MDGA2: variants seen among roughly 807,000 people sequenced by gnomAD.
MDGA2 encodes the protein MAM domain-containing glycosylphosphatidylinositol anchor protein 2.
A neutral mutation model predicts 117.8 loss-of-function variants in MDGA2; 40 were observed. The observed-to-expected ratio is 0.34, with a 90% CI of 0.26 to 0.44. The LOEUF (loss-of-function observed/expected upper bound fraction) is 0.44, where lower values mean the gene tolerates loss of function less well. Ranked by LOEUF, MDGA2 falls within the 20% of genes least tolerant of loss-of-function variation. The pLI is 1.00. For missense variants in MDGA2, 1,123 were observed against 1,250.6 expected, an observed-to-expected ratio of 0.90 and a Z score of 1.54; for synonymous variants, 452 against 439.0, an observed-to-expected ratio of 1.03 and a Z score of -0.37.
In MDGA2 at chr14:46,884,485, A is replaced by C. The variant is rs1195803848; in HGVS notation, c.2239-2264T>G. Among the ~76,000 whole-genome samples, 1 of 152,150 alleles carries C rather than the reference A, an allele frequency of 6.6e-6. No individual in the cohort carries two copies. The highest frequency in any genetic ancestry group is 1.5e-5 in the Non-Finnish European group (1 of 68,016). ...ATATATGCACATACTATATGTTCAT[A>C]AGTATTTGTTTTCTGAAGGTTAAGT... On this transcript the variant is annotated intron_variant, in intron 10 of 16. Coordinates refer to ENST00000399232, the MANE Select transcript of MDGA2 (RefSeq NM_001113498.3). This position sits in a 1 kb window ranked among gnomAD's most constrained non-coding sequence, Gnocchi z 4.1.
intron 1 of MDGA2, among the ~76,000 whole-genome samples, chr14:47,623,134 G>A (rs750747526): frequency 6.6e-6 from 1 of 152,014 alleles, no homozygotes; most frequent in Non-Finnish European, 1.5e-5. Flanking sequence ...TGAAGGAGTG[G>A]GTTCCTGATA....
intron 2 of MDGA2, among the ~76,000 whole-genome samples, chr14:47,300,113 C>T (rs1177780900): frequency 6.6e-6 from 1 of 152,000 alleles, no homozygotes; most frequent in Non-Finnish European, 1.5e-5. Flanking sequence ...CTTAAGGATC[C>T]GTCAGTAAGA....
intron 1 of MDGA2, among the ~76,000 whole-genome samples, chr14:47,634,545 G>A (rs999462038): frequency 3.9e-5 from 6 of 151,950 alleles, no homozygotes; most frequent in African/African-American, 9.7e-5. Flanking sequence ...AAGAAAAATC[G>A]CTTGTAAATC....
intron 6 of MDGA2, among the ~76,000 whole-genome samples, chr14:47,088,677 T>C (rs772813003): frequency 6.6e-6 from 1 of 152,196 alleles, no homozygotes; most frequent in African/African-American, 2.4e-5. Context: ...TAGCTTAAGA[T>C]ATATACCTTT....
chr14:47,494,711 G>C (rs1308492746), intron 1 of MDGA2, among the ~76,000 whole-genome samples: 1 of 151,840 alleles, frequency 6.6e-6, no homozygotes, highest in Non-Finnish European at 1.5e-5. Context: ...TATGGTGAGA[G>C]AGAGGGGTCC....
chr14:47,398,114 C>G (rs1211713297), intron 1 of MDGA2, among the ~76,000 whole-genome samples: 1 of 152,066 alleles, frequency 6.6e-6, no homozygotes, highest in African/African-American at 2.4e-5. Flanking sequence ...GGTGTCTGGT[C>G]CAGGTATCAA....
At chr14:47,352,308 C>T (rs1388174009) in intron 1 of MDGA2, among the ~76,000 whole-genome samples, 5 of 152,128 alleles carry the variant, frequency 3.3e-5, no homozygotes, top group Non-Finnish European at 4.4e-5. Context: ...CCCTGCTGAT[C>T]GTGTCTGGTT....
intron 1 of MDGA2, among the ~76,000 whole-genome samples, chr14:47,600,368 A>G (rs1896625452): frequency 6.6e-6 from 1 of 152,046 alleles, no homozygotes; most frequent in Non-Finnish European, 1.5e-5. Context: ...CGGGAGACAG[A>G]GTTTGCAGTC....
chr14:47,426,696 A>ATT (rs1244269146), intron 1 of MDGA2, among the ~76,000 whole-genome samples: 10 of 121,580 alleles, frequency 8.2e-5, no homozygotes, highest in Admixed American at 1.8e-4. Flanking sequence ...TATATATATC[A>ATT]TTTATATATA....
At chr14:47,622,804 G>A (rs549156047) in intron 1 of MDGA2, among the ~76,000 whole-genome samples, 1 of 152,288 alleles carries the variant, frequency 6.6e-6, no homozygotes, top group South Asian at 2.1e-4. Flanking sequence ...ATTGGTCATA[G>A]TCATGGGGAA....
intron 1 of MDGA2, among the ~76,000 whole-genome samples, chr14:47,332,395 A>G (rs1265821918): frequency 1.2e-4 from 18 of 152,006 alleles, no homozygotes; most frequent in Non-Finnish European, 2.9e-5. Flanking sequence ...AAACAACATT[A>G]AAACAATGGC....
chr14:47,491,803 A>G (rs201437193), intron 1 of MDGA2, among the ~76,000 whole-genome samples: 1 of 7,856 alleles, frequency 1.3e-4, no homozygotes, highest in Non-Finnish European at 2.2e-4. Flanking sequence ...AATCTGATTG[A>G]AAAAAAAAAG....
intron 6 of MDGA2, among the ~76,000 whole-genome samples, chr14:47,077,529 A>G (rs1282061208): frequency 6.6e-6 from 1 of 151,998 alleles, no homozygotes; most frequent in African/African-American, 2.4e-5. Flanking sequence ...TGCATTTTCT[A>G]CATAATGGGA....
chr14:47,417,848 G>C (rs895602720), intron 1 of MDGA2, among the ~76,000 whole-genome samples: 6 of 151,960 alleles, frequency 3.9e-5, no homozygotes, highest in Admixed American at 3.9e-4. Flanking sequence ...TGAGTAGCTG[G>C]GACTACAGGT....
intron 1 of MDGA2, among the ~76,000 whole-genome samples, chr14:47,508,352 A>ACCCT (rs149881110): frequency 7.5e-6 from 1 of 132,762 alleles, no homozygotes; most frequent in Non-Finnish European, 1.6e-5. Flanking sequence ...TTGCTGATTG[A>ACCCT]CTCTCTCTCT....
At chr14:47,384,878 C>CA (rs1891722693) in intron 1 of MDGA2, among the ~76,000 whole-genome samples, 1 of 152,270 alleles carries the variant, frequency 6.6e-6, no homozygotes, top group African/African-American at 2.4e-5. Flanking sequence ...CCAGAGAATA[C>CA]AAAGATAGCT....
chr14:47,152,143 A>G (rs1471752598), intron 3 of MDGA2, among the ~76,000 whole-genome samples: 1 of 152,086 alleles, frequency 6.6e-6, no homozygotes, highest in African/African-American at 2.4e-5. Flanking sequence ...CTCTAGAAAT[A>G]ACTGTCTCCC....
At chr14:47,241,615 GC>G (rs1353147011) in intron 2 of MDGA2, among the ~76,000 whole-genome samples, 1 of 151,702 alleles carries the variant, frequency 6.6e-6, no homozygotes, top group African/African-American at 2.4e-5. Context: ...ATTATTTGTG[GC>G]CCAAATTATT....
At position 47,061,436 on chromosome 14, in the gene MDGA2, A is replaced by G. The variant is rs1889878580; in HGVS notation, c.1338T>C (p.Gly446=). 1.2e-6 allele frequency: 2 copies of G among 1,613,532 alleles called. No homozygotes were observed. The highest frequency in any genetic ancestry group is 1.3e-5 in the African/African-American group (1 of 74,906). ...EELTFSWFKN[G]RPLRSSERMV... is the part of the protein sequence containing the mutation. ...TCCGCTCAGAACTTCTTAATGGACG[A>G]CCATTTTTAAACCAACTAAATGTTA... Residue 446 remains glycine, a synonymous_variant, in exon 7 of 17, where the codon GGT becomes GGC. Transcript: ENST00000399232.
Sources: gnomAD v4.1 joint callset for allele counts (sites outside exome capture counted in the v4.1 genomes callset) on GRCh38, gnomAD v4.1.1 for gene constraint, Gnocchi (gnomAD v3.1) non-coding constraint, MANE v1.5 for transcripts, NCBI Gene and HGNC (gene_info 2026-07-23, HGNC 2026-07-21) for gene names.